Variants in PCDH15 observed in about 807,000 individuals in gnomAD.
The protein encoded by PCDH15 is protocadherin-15.
In PCDH15, 129 loss-of-function variants were observed where a neutral mutation model predicts 178.5. The ratio of observed to expected loss-of-function variants is 0.72; its 90% CI spans 0.63 to 0.84. PCDH15 has a LOEUF of 0.84. PCDH15 is among the 40% of genes least tolerant of loss of function. PCDH15 has a pLI of 0.00. For synonymous variants in PCDH15, 800 were observed against 732.0 expected (o/e 1.09, Z -1.50); for missense variants, 2,230 against 2,099.9 (o/e 1.06, Z -1.21).
At chr10:55,089,857 T>C (rs984952828) in intron 2 of PCDH15, among the ~76,000 whole-genome samples, 4 of 152,072 alleles carry the variant, frequency 2.6e-5, no homozygotes, top group African/African-American at 9.7e-5. Context: ...ATTCGGGAAG[T>C]TAATGTTCCT....
chr10:54,864,889 A>T (rs906623671), intron 3 of PCDH15: 1 of 152,052 alleles, frequency 6.6e-6, no homozygotes, highest in Non-Finnish European at 1.5e-5. Context: ...TTTCAAATAC[A>T]TTTTTTTAGA....
At chr10:54,610,181 G>T (rs1353745472) in intron 2 of PCDH15, among the ~76,000 whole-genome samples, 1 of 151,296 alleles carries the variant, frequency 6.6e-6, no homozygotes. Context: ...TGCAGATCTC[G>T]ATTTTTTCAA....
chr10:54,331,149 G>A (rs1204621077), intron 6 of PCDH15, among the ~76,000 whole-genome samples: 1 of 113,970 alleles, frequency 8.8e-6, no homozygotes, highest in Non-Finnish European at 1.8e-5. Context: ...AGTCACATAA[G>A]AAGTTAAACT....
intron 2 of PCDH15, among the ~76,000 whole-genome samples, chr10:55,155,805 A>AAAGAAGC (rs1339123654): frequency 7.1e-6 from 1 of 141,044 alleles, no homozygotes; most frequent in African/African-American, 2.8e-5. Flanking sequence ...TATACAAAAT[A>AAAGAAGC]AAGAAGCAAT....
intron 2 of PCDH15, among the ~76,000 whole-genome samples, chr10:55,534,313 C>T (rs1262540958): frequency 1.3e-5 from 2 of 151,962 alleles, no homozygotes; most frequent in Non-Finnish European, 1.5e-5. Flanking sequence ...GATATTCACA[C>T]GCTAGGCACC....
intron 3 of PCDH15, among the ~76,000 whole-genome samples, chr10:54,810,880 A>C (rs965386602): frequency 6.6e-6 from 1 of 152,144 alleles, no homozygotes; most frequent in Non-Finnish European, 1.5e-5. Flanking sequence ...GCTATGGATG[A>C]ACTTCTACCT....
chr10:55,561,793 TG>T (rs1225190329), intron 2 of PCDH15, among the ~76,000 whole-genome samples: 1 of 151,866 alleles, frequency 6.6e-6, no homozygotes, highest in Non-Finnish European at 1.5e-5. Flanking sequence ...GGATTCATTT[TG>T]GGGAGAATAG....
intron 20 of PCDH15, among the ~76,000 whole-genome samples, chr10:53,999,825 A>T (rs1037691172): frequency 1.3e-4 from 20 of 152,110 alleles, no homozygotes; most frequent in African/African-American, 4.8e-4. Context: ...CCACCTGCTG[A>T]TTATAGAGAC....
chr10:54,917,321 AC>A (rs761549820), intron 2 of PCDH15, among the ~76,000 whole-genome samples: 24 of 152,166 alleles, frequency 1.6e-4, no homozygotes, highest in Non-Finnish European at 2.8e-4. Flanking sequence ...AAACCAGATA[AC>A]TTAATTGTGC....
At chr10:55,241,253 C>T (rs189590645) in intron 1 of PCDH15, among the ~76,000 whole-genome samples, 5 of 152,124 alleles carry the variant, frequency 3.3e-5, no homozygotes, top group Admixed American at 3.3e-4. Context: ...AAATATGGCT[C>T]TTCAGCAAAA....
At chr10:55,513,253 C>T (rs528281444) in intron 2 of PCDH15, 8 of 151,986 alleles carry the variant, frequency 5.3e-5, no homozygotes, top group African/African-American at 1.9e-4. Context: ...ACTTAGTTAC[C>T]TAGGTGTATG....
intron 3 of PCDH15, among the ~76,000 whole-genome samples, chr10:54,812,043 A>G (rs1465822530): frequency 6.6e-6 from 1 of 152,122 alleles, no homozygotes; most frequent in Non-Finnish European, 1.5e-5. Context: ...GCATCTCCAT[A>G]ATTCTTAATT....
intron 1 of PCDH15, among the ~76,000 whole-genome samples, chr10:54,706,688 A>G (rs2132299553): frequency 6.6e-6 from 1 of 152,222 alleles, no homozygotes; most frequent in East Asian, 1.9e-4. Context: ...CAGTGGCGCG[A>G]TCTCGGCTCA....
chr10:55,303,004 A>T (rs1253324980), intron 1 of PCDH15, among the ~76,000 whole-genome samples: 1 of 152,256 alleles, frequency 6.6e-6, no homozygotes, highest in East Asian at 1.9e-4. Flanking sequence ...CAAAGTTAAC[A>T]TTACTTAAAT....
chr10:55,080,619 G>A (rs1842015982), intron 2 of PCDH15, among the ~76,000 whole-genome samples: 1 of 152,056 alleles, frequency 6.6e-6, no homozygotes, highest in Non-Finnish European at 1.5e-5. Flanking sequence ...AGTCCAGGAG[G>A]GATCTCGTCC....
chr10:54,853,404 C>CATATATACACATACAT lies in PCDH15; in HGVS notation c.-29+44045_-29+44046insATGTATGTGTATATAT, dbSNP rs1208438758. Among the ~76,000 whole-genome samples, 10 of 89,800 alleles carry CATATATACACATACAT rather than the reference C, an allele frequency of 1.1e-4. No homozygotes were observed. In the South Asian group the frequency reaches 3.6e-3, roughly 32 times the overall value. 58.9% of individuals were successfully genotyped at this position (89,800 alleles called of 152,430 possible). On this transcript the variant is annotated intron_variant, in intron 3 of 5. Transcript: ENST00000458638. Reference sequence around the variant, plus strand: ...ACATACATACATATATATACACACACATATATATACACATACATATATATA... The same window carrying CATATATACACATACAT: ...ACATACATACATATATATACACACACATATATACACATACATATATATATACACATACATATATATA...
intron 17 of PCDH15, among the ~76,000 whole-genome samples, chr10:54,072,320 C>T (rs188037543): frequency 5.3e-4 from 81 of 152,248 alleles, no homozygotes; most frequent in African/African-American, 1.7e-3. Context: ...TCCTTAAGCG[C>T]AAGTCATCTT....
chr10:54,957,221 G>T (rs191693081), intron 2 of PCDH15, among the ~76,000 whole-genome samples: 1 of 151,598 alleles, frequency 6.6e-6, no homozygotes, highest in Non-Finnish European at 1.5e-5. Context: ...TGTATAGGCA[G>T]AGTAAATAAA....
intron 15 of PCDH15, among the ~76,000 whole-genome samples, chr10:54,098,223 TG>T (rs2094738214): frequency 6.8e-6 from 1 of 146,944 alleles, no homozygotes; most frequent in Non-Finnish European, 1.5e-5. Flanking sequence ...TGTGTGTGTG[TG>T]TGTGTGTGTC....
Sources: gnomAD v4.1 joint callset for allele counts (sites outside exome capture counted in the v4.1 genomes callset) on GRCh38, gnomAD v4.1.1 for gene constraint, MANE v1.5 for transcripts, NCBI Gene and HGNC (gene_info 2026-07-23, HGNC 2026-07-21) for gene names.